USP10: variants seen among roughly 807,000 people sequenced by gnomAD.
USP10 encodes ubiquitin carboxyl-terminal hydrolase 10.
In USP10, 22 loss-of-function variants were observed where a neutral mutation model predicts 84.5. That is an observed-to-expected ratio of 0.26 (90% CI 0.19 to 0.37). The LOEUF (loss-of-function observed/expected upper bound fraction) is 0.37. Among genes scored for constraint, USP10 ranks in the 10% least tolerant of loss-of-function variants. The pLI, the probability that USP10 is intolerant of heterozygous loss-of-function variation, is 1.00. For synonymous variants in USP10, 454 were observed against 387.6 expected, an observed-to-expected ratio of 1.17 and a Z score of -2.01; for missense variants, 1,019 against 998.9, an observed-to-expected ratio of 1.02 and a Z score of -0.27.
intron 1 of USP10, chr16:84,704,756 C>T: frequency 4.6e-6 from 7 of 1,533,564 alleles, no homozygotes; most frequent in Non-Finnish European, 6.1e-6. Context: ...GGCCATGATC[C>T]CATTTTCATC....
chr16:84,721,707 TTTTG>T (rs1907833674), intron 1 of USP10, among the ~76,000 whole-genome samples: 2 of 152,058 alleles, frequency 1.3e-5, no homozygotes, highest in South Asian at 2.1e-4. Context: ...TTTTGTTTTG[TTTTG>T]TTTTAGAGAT....
chr16:84,775,969 A>C (rs1914969083), intron 13 of USP10, among the ~76,000 whole-genome samples: 3 of 151,968 alleles, frequency 2.0e-5, no homozygotes, highest in Admixed American at 2.0e-4. Flanking sequence ...TGTTTTTACT[A>C]CATGTTTCTA....
chr16:84,752,153 G>T (rs1012774489), intron 4 of USP10, among the ~76,000 whole-genome samples: 1 of 152,162 alleles, frequency 6.6e-6, no homozygotes, highest in Non-Finnish European at 1.5e-5. Context: ...TTTCAATTTT[G>T]TGTCTTTTAT....
At chr16:84,732,906 G>C (rs1367150472) in intron 1 of USP10, 2 of 356,654 alleles carry the variant, frequency 5.6e-6, no homozygotes, top group African/African-American at 2.1e-5. Context: ...CTGATAATAT[G>C]TGTATCTGTG....
intron 13 of USP10, among the ~76,000 whole-genome samples, chr16:84,776,747 G>A (rs2150878976): frequency 6.6e-6 from 1 of 152,306 alleles, no homozygotes. Flanking sequence ...CCCCGACTCT[G>A]CAACCTGCCT....
intron 3 of USP10, among the ~76,000 whole-genome samples, chr16:84,742,400 G>T (rs189148149): frequency 6.6e-6 from 1 of 152,260 alleles, no homozygotes; most frequent in East Asian, 1.9e-4. Flanking sequence ...TTCATTCTCA[G>T]TTGTTTGTAT....
intron 11 of USP10, among the ~76,000 whole-genome samples, chr16:84,772,213 G>A (rs550652155): frequency 1.3e-5 from 2 of 152,118 alleles, no homozygotes; most frequent in Admixed American, 6.5e-5. Flanking sequence ...CACCACGCCT[G>A]GCTAATTTTG....
chr16:84,730,705 G>C (rs1336652677), intron 1 of USP10, among the ~76,000 whole-genome samples: 3 of 152,086 alleles, frequency 2.0e-5, no homozygotes, highest in African/African-American at 7.2e-5. Flanking sequence ...AAATCATTTG[G>C]ATTTGTAGTG....
chr16:84,750,998 G>A (rs913687812), intron 4 of USP10, among the ~76,000 whole-genome samples: 6 of 152,178 alleles, frequency 3.9e-5, no homozygotes, highest in Non-Finnish European at 7.3e-5. Flanking sequence ...TACCCTGTCC[G>A]TGTTTATTTA....
At position 84,700,046 on chromosome 16, in the gene USP10, C is replaced by T. The variant is rs758409182; in HGVS notation, c.-45C>T. ...AAGATGGCGGCGGCGGGGGAAGCAG[C>T]GTGAGCAGCCGGAGGATCGCGGAGT... On this transcript the variant is annotated 5_prime_UTR_variant, in exon 1 of 14. Transcript: ENST00000219473. 20 of 1,355,418 alleles carry T rather than the reference C, an allele frequency of 1.5e-5. No individual in the cohort carries two copies. Among genetic ancestry groups the T allele is most frequent in the African/African-American group, 1.1e-4 (7 of 64,494 alleles). 84.0% of individuals were successfully genotyped at this position (1,355,418 alleles called of 1,614,324 possible). A position where few individuals can be genotyped will look rare whatever the true frequency, so the allele number is the denominator to read the frequency against.
At chr16:84,759,575 C>A in intron 6 of USP10, 103 bp downstream of exon 6, 1 of 1,068,812 alleles carries the variant, frequency 9.4e-7, no homozygotes, top group South Asian at 1.4e-5. Flanking sequence ...GCAAATGAGT[C>A]CTATAATTCT....
chr16:84,760,369 C>G, intron 8 of USP10, 94 bp downstream of exon 8: 2 of 1,092,764 alleles, frequency 1.8e-6, no homozygotes, highest in Non-Finnish European at 2.7e-6. Context: ...TGCCCTCTGT[C>G]TCCAGCGCTA....
intron 6 of USP10, 167 bp from the exon 7 acceptor site, chr16:84,759,723 AC>A: frequency 1.3e-6 from 1 of 742,506 alleles, no homozygotes; most frequent in African/African-American, 1.8e-5. Context: ...CTTGAAATAG[AC>A]CAAAAATGCA....
At position 84,744,671 on chromosome 16, in the gene USP10, G is replaced by C; in HGVS notation, c.190G>C (p.Val64Leu). 1 of 1,612,944 alleles carries C rather than the reference G, an allele frequency of 6.2e-7. No individual in the cohort carries two copies. Among genetic ancestry groups the C allele is most frequent in the Non-Finnish European group, 8.5e-7 (1 of 1,179,322 alleles). Residue 64 changes from valine to leucine, a missense_variant, in exon 4 of 14, where the codon GTC (valine) becomes CTC (leucine). This residue lies in a region of USP10 where 787 missense variants were observed against 708.8 expected (regional missense o/e 1.11). Transcript: ENST00000219473. Reference sequence around the variant, plus strand: ...GAGAATTGAGTTTGGTGTCGATGAAGTCATTGAACCCAGTGACACTTTGCC... The same window carrying C: ...GAGAATTGAGTTTGGTGTCGATGAACTCATTGAACCCAGTGACACTTTGCC... The part of the protein sequence containing the change: ...YQRIEFGVDE[V>L]IEPSDTLPRT...
chr16:84,723,078 G>C (rs1043743248), intron 1 of USP10, among the ~76,000 whole-genome samples: 4 of 151,916 alleles, frequency 2.6e-5, no homozygotes, highest in African/African-American at 7.3e-5. Flanking sequence ...GGTCAAAGAT[G>C]GGGGGTGGGG....
chr16:84,748,771 G>C (rs920287385), intron 4 of USP10, among the ~76,000 whole-genome samples: 1 of 152,112 alleles, frequency 6.6e-6, no homozygotes, highest in Non-Finnish European at 1.5e-5. Context: ...TAAATAGTTT[G>C]TTATGTTCTG....
chr16:84,720,005 T>C (rs1381286511), intron 1 of USP10, among the ~76,000 whole-genome samples: 2 of 152,226 alleles, frequency 1.3e-5, no homozygotes, highest in Non-Finnish European at 2.9e-5. Flanking sequence ...AACTTTGCTT[T>C]CCATTAACAA....
At chr16:84,722,650 C>T (rs767802380) in intron 1 of USP10, among the ~76,000 whole-genome samples, 6 of 152,148 alleles carry the variant, frequency 3.9e-5, no homozygotes, top group Admixed American at 1.3e-4. Flanking sequence ...AAACCTTCAC[C>T]TCCCAGGTTT....
At chr16:84,755,368 C>G (rs1912410455) in intron 4 of USP10, among the ~76,000 whole-genome samples, 1 of 151,782 alleles carries the variant, frequency 6.6e-6, no homozygotes, top group South Asian at 2.1e-4. Context: ...ATCCCTAGCT[C>G]CTTGCACCCA....
Sources: gnomAD v4.1 joint callset for allele counts (sites outside exome capture counted in the v4.1 genomes callset) on GRCh38, gnomAD v4.1.1 for gene constraint, gnomAD v4.1.1 regional missense constraint, MANE v1.5 for transcripts, NCBI Gene and HGNC (gene_info 2026-07-23, HGNC 2026-07-21) for gene names.